The following SLC9A9 variants were observed in gnomAD, a reference collection of about 807,000 sequenced individuals.
SLC9A9 encodes the protein sodium/hydrogen exchanger 9.
A neutral mutation model predicts 77.8 loss-of-function variants in SLC9A9; 62 were observed. The observed-to-expected ratio is 0.80, with a 90% CI of 0.65 to 0.98. The LOEUF is 0.98. SLC9A9 is among the 50% of genes least tolerant of loss of function. The pLI is 0.00. For missense variants in SLC9A9, 775 were observed against 774.9 expected (o/e 1.00, Z 0.00); for synonymous variants, 320 against 283.5 (o/e 1.13, Z -1.29).
Position 143,265,831 on chromosome 3 carries a change from C to T in SLC9A9, c.*871G>A. The T allele has an allele frequency of 1.7e-6, 1 of 589,270 alleles. No homozygotes were observed. The highest frequency in any genetic ancestry group is 3.0e-6 in the Non-Finnish European group (1 of 330,610). The allele number at this position is 589,270 out of a possible 1,614,324, so 36.5% of individuals were successfully genotyped here. On this transcript the variant is annotated 3_prime_UTR_variant, in exon 16 of 16. Transcript: ENST00000316549. The stretch of plus-strand genomic sequence containing the variant: ...GGACAGGTTGGGGCTCCTGCACAGT[C>T]TGCTGCCAGGTAGAGAGCAACACAG...
At chr3:143,756,536 G>T (rs1018157554) in intron 4 of SLC9A9, among the ~76,000 whole-genome samples, 1 of 152,094 alleles carries the variant, frequency 6.6e-6, no homozygotes, top group Admixed American at 6.6e-5. Context: ...AATGTCCAAA[G>T]ATTTTCAAAA....
At chr3:143,515,377 G>A (rs894769336) in intron 9 of SLC9A9, among the ~76,000 whole-genome samples, 11 of 152,088 alleles carry the variant, frequency 7.2e-5, no homozygotes, top group Non-Finnish European at 1.2e-4. Flanking sequence ...GAGGCAGAGA[G>A]GCTTGCTCCA....
At chr3:143,710,583 G>C (rs80258498) in intron 4 of SLC9A9, among the ~76,000 whole-genome samples, 1 of 152,108 alleles carries the variant, frequency 6.6e-6, no homozygotes. Flanking sequence ...AGAATCACTT[G>C]TTTTAAAACT....
chr3:143,610,548 C>T (rs539401123), intron 6 of SLC9A9, among the ~76,000 whole-genome samples: 13 of 152,288 alleles, frequency 8.5e-5, no homozygotes, highest in South Asian at 4.2e-4. Flanking sequence ...CAGCCATTAT[C>T]GCAAACCCCA....
At chr3:143,706,283 G>A (rs1448967477) in intron 4 of SLC9A9, among the ~76,000 whole-genome samples, 13 of 152,290 alleles carry the variant, frequency 8.5e-5, no homozygotes, top group Middle Eastern at 3.4e-3. Context: ...ATCGGGGAGC[G>A]GGGGAATGCC....
chr3:143,484,665 G>A (rs1433599654), intron 11 of SLC9A9, among the ~76,000 whole-genome samples: 1 of 152,114 alleles, frequency 6.6e-6, no homozygotes, highest in Non-Finnish European at 1.5e-5. Flanking sequence ...AGACATGCTG[G>A]GGTTGGCCTG....
At chr3:143,567,145 G>A (rs543733760) in intron 8 of SLC9A9, among the ~76,000 whole-genome samples, 1 of 152,040 alleles carries the variant, frequency 6.6e-6, no homozygotes, top group Non-Finnish European at 1.5e-5. Context: ...GAATTCCTTA[G>A]GGTCATGTAT....
chr3:143,346,977 A>AT (rs2032298930), intron 14 of SLC9A9: 1 of 152,174 alleles, frequency 6.6e-6, no homozygotes, highest in African/African-American at 2.4e-5. Flanking sequence ...ACTTTTCTCT[A>AT]TTTTTCAGAC....
In SLC9A9 at chr3:143,266,698, C is replaced by A; in HGVS notation, c.*4G>T. ...TGTGATTACATCTGTACTCTTCATG[C>A]CAATTAATTCAACTGGGATTGACCC... On this transcript the variant is annotated 3_prime_UTR_variant, in exon 16 of 16. Coordinates refer to ENST00000316549, the MANE Select transcript of SLC9A9 (RefSeq NM_173653.4). The A allele has an allele frequency of 6.2e-7, 1 of 1,614,008 alleles. No individual in the cohort carries two copies. The highest frequency in any genetic ancestry group is 8.5e-7 in the Non-Finnish European group (1 of 1,179,942).
chr3:143,694,925 A>C (rs1487831795), intron 4 of SLC9A9, among the ~76,000 whole-genome samples: 1 of 152,136 alleles, frequency 6.6e-6, no homozygotes, highest in Non-Finnish European at 1.5e-5. Context: ...CAGGGGCCCA[A>C]CATTGCTTTG....
chr3:143,496,649 G>A (rs2035839362), intron 9 of SLC9A9, among the ~76,000 whole-genome samples: 1 of 152,308 alleles, frequency 6.6e-6, no homozygotes, highest in Non-Finnish European at 1.5e-5. Context: ...TTACATCCCA[G>A]GCTGGCTCAT....
intron 14 of SLC9A9, among the ~76,000 whole-genome samples, chr3:143,276,651 T>C (rs1301916364): frequency 2.0e-5 from 3 of 151,772 alleles, no homozygotes; most frequent in Admixed American, 1.3e-4. Flanking sequence ...GACTAGGAAC[T>C]GTCCATGAGT....
chr3:143,377,830 C>T (rs1443127195), intron 13 of SLC9A9, among the ~76,000 whole-genome samples: 1 of 152,192 alleles, frequency 6.6e-6, no homozygotes, highest in Non-Finnish European at 1.5e-5. Flanking sequence ...TGGTCTGGCC[C>T]CTGCCCCTGT....
chr3:143,803,257 C>T (rs1164306467), intron 2 of SLC9A9, among the ~76,000 whole-genome samples: 1 of 152,218 alleles, frequency 6.6e-6, no homozygotes, highest in Admixed American at 6.5e-5. Context: ...CTTAAACTCA[C>T]TTGCATTTCT....
chr3:143,847,222 C>T (rs1238855568), intron 1 of SLC9A9, among the ~76,000 whole-genome samples: 1 of 152,186 alleles, frequency 6.6e-6, no homozygotes, highest in Non-Finnish European at 1.5e-5. Flanking sequence ...ATGTTATTTG[C>T]TATAAATTAT....
intron 14 of SLC9A9, among the ~76,000 whole-genome samples, chr3:143,285,993 G>A (rs775362636): frequency 2.0e-5 from 3 of 152,126 alleles, no homozygotes; most frequent in Non-Finnish European, 4.4e-5. Context: ...AGTATGGGAT[G>A]TGGTTTATAA....
chr3:143,332,469 GA>G, intron 14 of SLC9A9, among the ~76,000 whole-genome samples: 2 of 152,346 alleles, frequency 1.3e-5, no homozygotes, highest in Middle Eastern at 6.8e-3. Context: ...GTGCACTGGA[GA>G]ATGAATTAGA....
At chr3:143,424,349 T>TC (rs2034365728) in intron 12 of SLC9A9, among the ~76,000 whole-genome samples, 1 of 151,220 alleles carries the variant, frequency 6.6e-6, no homozygotes, top group South Asian at 2.1e-4. Context: ...TCATTGCAAG[T>TC]TCCGCCTCCC....
At chr3:143,653,016 A>G (rs2038826512) in intron 5 of SLC9A9, among the ~76,000 whole-genome samples, 1 of 152,190 alleles carries the variant, frequency 6.6e-6, no homozygotes, top group Non-Finnish European at 1.5e-5. Flanking sequence ...GTTAGACCAT[A>G]CTCAGTAACT....
Sources: allele counts gnomAD v4.1 joint callset (sites outside exome capture counted in the v4.1 genomes callset), GRCh38; gene constraint gnomAD v4.1.1; transcripts MANE v1.5; gene names NCBI Gene and HGNC (gene_info 2026-07-23, HGNC 2026-07-21).